Variants in KCTD1 observed in about 807,000 individuals in gnomAD.
KCTD1 encodes BTB/POZ domain-containing protein KCTD1.
KCTD1 carries 24 observed loss-of-function variants against 66.0 expected under a neutral mutation model. The ratio of observed to expected loss-of-function variants is 0.36; its 90% CI spans 0.26 to 0.51. The LOEUF (loss-of-function observed/expected upper bound fraction) is 0.51. Among genes scored for constraint, KCTD1 ranks in the 20% least tolerant of loss-of-function variants. The pLI is 0.95. For missense variants in KCTD1, 943 were observed against 1,205.2 expected, an observed-to-expected ratio of 0.78 and a Z score of 3.22; for synonymous variants, 511 against 517.2, an observed-to-expected ratio of 0.99 and a Z score of 0.16.
intron 2 of KCTD1, among the ~76,000 whole-genome samples, chr18:26,500,481 A>C (rs1175192636): frequency 3.9e-5 from 6 of 152,144 alleles, no homozygotes; most frequent in Non-Finnish European, 8.8e-5. Context: ...ATATCTCATA[A>C]ACATAAATGT....
intron 2 of KCTD1, among the ~76,000 whole-genome samples, chr18:26,487,712 C>T (rs934195096): frequency 3.9e-5 from 6 of 152,332 alleles, no homozygotes; most frequent in African/African-American, 1.4e-4. Flanking sequence ...CAATTGTCTA[C>T]GCCCTTCTGG....
chr18:26,521,807 GC>G (rs34807779), intron 1 of KCTD1, among the ~76,000 whole-genome samples: 1 of 152,180 alleles, frequency 6.6e-6, no homozygotes, highest in African/African-American at 2.4e-5. Flanking sequence ...GTGGCTGCCT[GC>G]CGGCTGGGAC....
At chr18:26,500,935 G>A (rs1982726829) in intron 2 of KCTD1, 137 bp downstream of exon 2, 1 of 836,592 alleles carries the variant, frequency 1.2e-6, no homozygotes, top group African/African-American at 1.7e-5. Context: ...TCCAGCCTAG[G>A]CAGCAGGGTG....
upstream of KCTD1, chr18:26,549,644 G>C: frequency 1.1e-6 from 1 of 914,882 alleles, no homozygotes; most frequent in Non-Finnish European, 1.3e-6. Context: ...AAGGCCCATC[G>C]GGCAGGCGGA....
At chr18:26,570,189 A>ATATATATATATAT (rs1481620480) in intron 1 of KCTD1, among the ~76,000 whole-genome samples, 1 of 88,786 alleles carries the variant, frequency 1.1e-5, no homozygotes, top group Non-Finnish European at 2.8e-5. Flanking sequence ...CCATCTAAAA[A>ATATATATATATAT]AAATATATAT....
chr18:26,541,825 C>T (rs1402048517), intron 1 of KCTD1, among the ~76,000 whole-genome samples: 1 of 152,168 alleles, frequency 6.6e-6, no homozygotes, highest in Non-Finnish European at 1.5e-5. Flanking sequence ...TCATTTATTT[C>T]TGGGCCATCT....
intron 1 of KCTD1, among the ~76,000 whole-genome samples, chr18:26,509,116 C>G (rs1437216403): frequency 1.3e-5 from 2 of 151,188 alleles, no homozygotes; most frequent in African/African-American, 2.4e-5. Flanking sequence ...CAGAATGAGC[C>G]TGAAGAGAAA....
chr18:26,554,226 A>G lies in KCTD1; in HGVS notation c.-15-52976T>C, dbSNP rs956515314. ...GAATCTTCAAGGGAACAATTCAGAA[A>G]GAAAGAAAAGACGAAAGACAGAGAG... On this transcript the variant is annotated intron_variant, in intron 1 of 4. Transcript: ENST00000317932. Among the ~76,000 whole-genome samples, 17 of 150,560 alleles carry G rather than the reference A, an allele frequency of 1.1e-4. 1 individual carries two copies. Among genetic ancestry groups the G allele is most frequent in the African/African-American group, 3.6e-4 (15 of 41,368 alleles).
intron 1 of KCTD1, among the ~76,000 whole-genome samples, chr18:26,611,452 G>C (rs924555410): frequency 6.6e-6 from 1 of 152,146 alleles, no homozygotes; most frequent in Non-Finnish European, 1.5e-5. Flanking sequence ...CCGGGTTCAA[G>C]TGATTCTCCT....
At chr18:26,471,846 A>G (rs1411948068) in intron 3 of KCTD1, among the ~76,000 whole-genome samples, 1 of 152,198 alleles carries the variant, frequency 6.6e-6, no homozygotes, top group African/African-American at 2.4e-5. Flanking sequence ...AAAAGGGGTA[A>G]GAGTGGGAGG....
intron 1 of KCTD1, among the ~76,000 whole-genome samples, chr18:26,579,755 A>C (rs147565192): frequency 2.2e-4 from 33 of 152,328 alleles, no homozygotes; most frequent in Non-Finnish European, 4.6e-4. Context: ...CAGCCTGGGA[A>C]CAATAAGTGG....
intron 1 of KCTD1, among the ~76,000 whole-genome samples, chr18:26,634,581 T>C (rs573465444): frequency 2.0e-5 from 3 of 152,346 alleles, no homozygotes; most frequent in South Asian, 2.1e-4. Context: ...GTATGTATGA[T>C]ATGATTACAT....
chr18:26,549,081 C>A (rs1985431633), upstream of KCTD1: 2 of 985,048 alleles, frequency 2.0e-6, no homozygotes, highest in Non-Finnish European at 2.4e-6. Flanking sequence ...GCGGGAAACC[C>A]GTGTCTGGGG....
intron 1 of KCTD1, among the ~76,000 whole-genome samples, chr18:26,620,188 G>A (rs1222935627): frequency 6.6e-6 from 1 of 151,884 alleles, no homozygotes; most frequent in African/African-American, 2.4e-5. Flanking sequence ...TCTGTGGAAT[G>A]CGGGGACTGA....
chr18:26,508,868 G>T lies in KCTD1; in HGVS notation c.1810-7618C>A, dbSNP rs550891264. 2.0e-5 allele frequency among the ~76,000 whole-genome samples: 3 copies of T among 152,244 alleles called. No homozygotes were observed. The East Asian group carries it at 5.8e-4, about 29-fold the overall frequency. On this transcript the variant is annotated intron_variant, in intron 1 of 4. Coordinates refer to ENST00000580059, the MANE Select transcript of KCTD1 (RefSeq NM_001142730.3). ...CTTGCTTCCTGGGATGGAAATTTGC[G>T]GTTGCCTTGGGAGTGTTGTTTCAGG... is the stretch of plus-strand genomic sequence containing the variant.
chr18:26,650,530 A>G (rs1038071107), intron 1 of KCTD1, among the ~76,000 whole-genome samples: 3 of 152,206 alleles, frequency 2.0e-5, no homozygotes, highest in Non-Finnish European at 4.4e-5. Flanking sequence ...TCTCCTTTAC[A>G]ATGATCTCAT....
intron 3 of KCTD1, among the ~76,000 whole-genome samples, chr18:26,466,751 G>T (rs944394648): frequency 1.2e-4 from 19 of 152,306 alleles, no homozygotes; most frequent in Admixed American, 1.2e-3. Flanking sequence ...CTACTGTGAG[G>T]TAGTATGAAG....
chr18:26,526,249 T>C (rs1984153338), intron 1 of KCTD1, among the ~76,000 whole-genome samples: 1 of 152,108 alleles, frequency 6.6e-6, no homozygotes, highest in South Asian at 2.1e-4. Context: ...TTCTGGAGAT[T>C]TGGGGAGCAG....
At chr18:26,623,508 T>TG (rs1987434852) in intron 1 of KCTD1, among the ~76,000 whole-genome samples, 1 of 151,850 alleles carries the variant, frequency 6.6e-6, no homozygotes, top group Non-Finnish European at 1.5e-5. Flanking sequence ...TATAAGGGAG[T>TG]TTCCCCCTTT....
Sources: gnomAD v4.1 joint callset for allele counts (sites outside exome capture counted in the v4.1 genomes callset) on GRCh38, gnomAD v4.1.1 for gene constraint, MANE v1.5 for transcripts, NCBI Gene and HGNC (gene_info 2026-07-23, HGNC 2026-07-21) for gene names.